The following ZNF423 variants were observed in gnomAD, a reference collection of about 807,000 sequenced individuals.
ZNF423 encodes zinc finger protein 423, also known as Ebf-associated zinc finger protein.
ZNF423 carries 12 observed loss-of-function variants against 95.8 expected under a neutral mutation model. That is an observed-to-expected ratio of 0.13 (90% CI 0.08 to 0.20). The LOEUF is 0.20. Ranked by LOEUF, ZNF423 falls within the 10% of genes least tolerant of loss-of-function variation. The probability of loss-of-function intolerance (pLI) is 1.00; values close to 1 mark genes in which losing one functional copy is unlikely to be tolerated. For missense variants in ZNF423, 1,316 were observed against 1,737.1 expected, an observed-to-expected ratio of 0.76 and a Z score of 4.31; for synonymous variants, 749 against 711.9, an observed-to-expected ratio of 1.05 and a Z score of -0.83.
chr16:49,542,175 C>A (rs1338146875), intron 5 of ZNF423, among the ~76,000 whole-genome samples: 1 of 152,166 alleles, frequency 6.6e-6, no homozygotes, highest in African/African-American at 2.4e-5. Context: ...CTTCACTCAA[C>A]AGCTCTTGCT....
At chr16:49,692,884 T>A (rs1372338693) in intron 3 of ZNF423, among the ~76,000 whole-genome samples, 1 of 152,280 alleles carries the variant, frequency 6.6e-6, no homozygotes, top group Non-Finnish European at 1.5e-5. Flanking sequence ...AAGGGCTATT[T>A]CCTTCACCCC....
chr16:49,834,795 G>A (rs560140770), intron 1 of ZNF423, among the ~76,000 whole-genome samples: 4 of 152,206 alleles, frequency 2.6e-5, no homozygotes, highest in Admixed American at 1.3e-4. Flanking sequence ...GGGATGCTGG[G>A]GGAGAGCGCC....
At chr16:49,750,976 G>A (rs2033623434) in intron 2 of ZNF423, among the ~76,000 whole-genome samples, 1 of 152,112 alleles carries the variant, frequency 6.6e-6, no homozygotes, top group Non-Finnish European at 1.5e-5. Flanking sequence ...CTACAGCACA[G>A]AGCTGAGAGA....
chr16:49,682,040 AT>A (rs2031380395), intron 3 of ZNF423, among the ~76,000 whole-genome samples: 1 of 120,500 alleles, frequency 8.3e-6, no homozygotes, highest in Non-Finnish European at 1.7e-5. Flanking sequence ...TCCTTCCTCC[AT>A]TCCCTCCATT....
intron 5 of ZNF423, among the ~76,000 whole-genome samples, chr16:49,590,508 G>GAC (rs1970981236): frequency 6.6e-6 from 1 of 152,170 alleles, no homozygotes; most frequent in Non-Finnish European, 1.5e-5. Flanking sequence ...CAGGGATAAA[G>GAC]ACACACACTC....
intron 1 of ZNF423, among the ~76,000 whole-genome samples, chr16:49,805,046 C>T (rs2034640949): frequency 6.6e-6 from 1 of 151,806 alleles, no homozygotes; most frequent in Non-Finnish European, 1.5e-5. Flanking sequence ...ATTACAGGTG[C>T]CCACCACCGC....
intron 5 of ZNF423, among the ~76,000 whole-genome samples, chr16:49,602,927 G>A (rs746564004): frequency 1.3e-5 from 2 of 152,218 alleles, no homozygotes; most frequent in African/African-American, 2.4e-5. Context: ...GGTTAACAGC[G>A]GAGCTGCCGG....
At chr16:49,803,043 C>A (rs1029415965) in intron 1 of ZNF423, among the ~76,000 whole-genome samples, 3 of 151,934 alleles carry the variant, frequency 2.0e-5, no homozygotes, top group Non-Finnish European at 4.4e-5. Context: ...TCACTTGAGG[C>A]CAGGAGTTCG....
At chr16:49,838,198 G>A (rs1392381505) in intron 1 of ZNF423, among the ~76,000 whole-genome samples, 5 of 152,196 alleles carry the variant, frequency 3.3e-5, no homozygotes, top group African/African-American at 9.6e-5. Flanking sequence ...TGCACCCCCG[G>A]GGCCAGGCCT....
At chr16:49,733,756 CT>C (rs1469800638) in intron 2 of ZNF423, among the ~76,000 whole-genome samples, 1 of 152,082 alleles carries the variant, frequency 6.6e-6, no homozygotes, top group African/African-American at 2.4e-5. Flanking sequence ...ACTCAGGGGC[CT>C]GAAGAAGTTT....
chr16:49,600,530 C>A (rs988801104), intron 5 of ZNF423, among the ~76,000 whole-genome samples: 3 of 151,918 alleles, frequency 2.0e-5, no homozygotes, highest in African/African-American at 7.3e-5. Context: ...GTCAGATAGA[C>A]ACAATTCTGG....
At chr16:49,731,649 CA>C (rs34479098) in intron 2 of ZNF423, among the ~76,000 whole-genome samples, 93 of 146,606 alleles carry the variant, frequency 6.3e-4, no homozygotes, top group South Asian at 5.7e-3. Context: ...TCTATCTCTA[CA>C]AAAAAAAAAA....
At chr16:49,694,415 C>T (rs975076386) in intron 3 of ZNF423, among the ~76,000 whole-genome samples, 1 of 152,182 alleles carries the variant, frequency 6.6e-6, no homozygotes, top group East Asian at 1.9e-4. Context: ...TTGCTAGGGG[C>T]ACTAGCAGTA....
At chr16:49,628,518 TATCCATCCATCC>T (rs1179333817) in intron 4 of ZNF423, among the ~76,000 whole-genome samples, 4 of 149,808 alleles carry the variant, frequency 2.7e-5, no homozygotes, top group Middle Eastern at 3.2e-3. Flanking sequence ...TCTACACACA[TATCCATCCATCC>T]ATCTATCCAT....
At chr16:49,571,617 G>A (rs1030125323) in intron 5 of ZNF423, among the ~76,000 whole-genome samples, 1 of 152,188 alleles carries the variant, frequency 6.6e-6, no homozygotes, top group Non-Finnish European at 1.5e-5. Context: ...GACAATGGGA[G>A]CGACTGAAGG....
chr16:49,725,113 C>T (rs1477541098), intron 3 of ZNF423, among the ~76,000 whole-genome samples: 15 of 152,104 alleles, frequency 9.9e-5, no homozygotes, highest in African/African-American at 3.1e-4. Context: ...AAAATGAGGA[C>T]GAATGGTAGA....
At chr16:49,845,049 A>C (rs1346151569) in intron 1 of ZNF423, among the ~76,000 whole-genome samples, 1 of 151,046 alleles carries the variant, frequency 6.6e-6, no homozygotes, top group Non-Finnish European at 1.5e-5. Flanking sequence ...AAAAAAAAAA[A>C]AAAAAAAAAA....
At chr16:49,520,400 AACGCAACCT>A (rs1458895499) in intron 7 of ZNF423, among the ~76,000 whole-genome samples, 1 of 97,406 alleles carries the variant, frequency 1.0e-5, no homozygotes, top group East Asian at 2.5e-4. Flanking sequence ...TGCTCCTGTT[AACGCAACCT>A]AAGAAAACAT....
chr16:49,669,517 C>T (rs1043158735), intron 3 of ZNF423, among the ~76,000 whole-genome samples: 7 of 152,186 alleles, frequency 4.6e-5, no homozygotes, highest in African/African-American at 1.2e-4. Context: ...AAGCTAAGCC[C>T]AGCAGGCAGC....
Sources: gnomAD v4.1 joint callset for allele counts (sites outside exome capture counted in the v4.1 genomes callset) on GRCh38, gnomAD v4.1.1 for gene constraint, MANE v1.5 for transcripts, NCBI Gene and HGNC (gene_info 2026-07-23, HGNC 2026-07-21) for gene names.